PCDH10: variants seen among roughly 807,000 people sequenced by gnomAD.
The protein encoded by PCDH10 is protocadherin 10, also known as protocadherin-10.
In PCDH10, 15 loss-of-function variants were observed where a neutral mutation model predicts 74.4. The ratio of observed to expected loss-of-function variants is 0.20; its 90% CI spans 0.13 to 0.31. PCDH10 has a LOEUF of 0.31. Ranked by LOEUF, PCDH10 falls within the 10% of genes least tolerant of loss-of-function variation. The pLI, the probability that PCDH10 is intolerant of heterozygous loss-of-function variation, is 1.00. For missense variants in PCDH10, 1,260 were observed against 1,390.2 expected, an observed-to-expected ratio of 0.91 and a Z score of 1.49; for synonymous variants, 619 against 589.8, an observed-to-expected ratio of 1.05 and a Z score of -0.72.
At chr4:133,185,701 T>G (rs1727529575) in intron 4 of PCDH10, among the ~76,000 whole-genome samples, 1 of 152,052 alleles carries the variant, frequency 6.6e-6, no homozygotes, top group Admixed American at 6.6e-5. Context: ...CTCTGGAAAT[T>G]TTTCACTGTA....
intron 4 of PCDH10, among the ~76,000 whole-genome samples, chr4:133,164,884 T>G (rs1727045396): frequency 6.7e-6 from 1 of 150,190 alleles, no homozygotes; most frequent in African/African-American, 2.4e-5. Context: ...TTGCTAAAAA[T>G]CAAAAGAATG....
chr4:133,191,998 T>TACACACACACAC lies in PCDH10; in HGVS notation c.*1839_*1840insCACACACACACA, dbSNP rs1560716555. ...ACACACACACACACACACACACACT[T>TACACACACACAC]AGGTCCTGATATGTACATTTAGAGT... On this transcript the variant is annotated 3_prime_UTR_variant, in exon 5 of 5. Coordinates refer to ENST00000264360, the MANE Select transcript of PCDH10 (RefSeq NM_032961.3). 617 of 133,138 alleles carry TACACACACACAC rather than the reference T, an allele frequency of 4.6e-3. 6 individuals are homozygous for TACACACACACAC. Among genetic ancestry groups the TACACACACACAC allele is most frequent in the African/African-American group, 0.018 (594 of 33,906 alleles). 8.2% of individuals were successfully genotyped at this position (133,138 alleles called of 1,614,324 possible).
intron 4 of PCDH10, among the ~76,000 whole-genome samples, chr4:133,188,427 A>G (rs1337046064): frequency 6.6e-6 from 1 of 152,180 alleles, no homozygotes; most frequent in Non-Finnish European, 1.5e-5. Flanking sequence ...ACACAGAAAA[A>G]TAGGATTTCA....
At chr4:133,204,298 C>A (rs558232491) in intron 2 of PCDH10, among the ~76,000 whole-genome samples, 1 of 152,254 alleles carries the variant, frequency 6.6e-6, no homozygotes, top group South Asian at 2.1e-4. Flanking sequence ...TCCCATAGTC[C>A]TCCTGGGGGT....
chr4:133,200,902 A>C (rs899347808), intron 2 of PCDH10, among the ~76,000 whole-genome samples: 8 of 152,224 alleles, frequency 5.3e-5, no homozygotes, highest in Non-Finnish European at 8.8e-5. Flanking sequence ...TTTATATTTT[A>C]AAATTTCCAG....
chr4:133,205,224 A>G (rs1478445747), intron 2 of PCDH10, among the ~76,000 whole-genome samples: 9 of 152,192 alleles, frequency 5.9e-5, no homozygotes, highest in Non-Finnish European at 1.2e-4. Flanking sequence ...TTTAGGCCTC[A>G]GACACTAAGG....
At chr4:133,156,970 A>C (rs1348508876) in intron 3 of PCDH10, among the ~76,000 whole-genome samples, 2 of 152,244 alleles carry the variant, frequency 1.3e-5, no homozygotes, top group Non-Finnish European at 2.9e-5. Flanking sequence ...CAAAGCATTT[A>C]AAAGAATACT....
chr4:133,204,006 C>T (rs946364855), intron 2 of PCDH10, among the ~76,000 whole-genome samples: 1 of 152,170 alleles, frequency 6.6e-6, no homozygotes, highest in African/African-American at 2.4e-5. Context: ...AGTTGCATTA[C>T]CTCTCCACTG....
chr4:133,170,719 C>A (rs1389253079), intron 4 of PCDH10, among the ~76,000 whole-genome samples: 1 of 137,098 alleles, frequency 7.3e-6, no homozygotes, highest in Non-Finnish European at 1.5e-5. Context: ...GAGATGAAGT[C>A]TCTCTCTCTG....
downstream of PCDH10, among the ~76,000 whole-genome samples, chr4:133,195,013 G>C (rs1268935894): frequency 6.6e-6 from 1 of 151,832 alleles, no homozygotes; most frequent in Non-Finnish European, 1.5e-5. Flanking sequence ...ATAAAAGAAA[G>C]GGATTTTATC....
Position 133,191,836 on chromosome 4 carries a change from AC to A in PCDH10, c.*1677del, listed in dbSNP as rs1012358501. ...TTTTTAACTGATCTTATATTCAATG[AC>A]AGTTTGAGCTGCACTGTGTTATTAA... On this transcript the variant is annotated 3_prime_UTR_variant, in exon 5 of 5. Transcript: ENST00000264360. The A allele has an allele frequency of 1.3e-5, 2 of 151,654 alleles. No homozygotes were observed. Among genetic ancestry groups the A allele is most frequent in the African/African-American group, 4.8e-5 (2 of 41,374 alleles). 9.4% of individuals were successfully genotyped at this position (151,654 alleles called of 1,614,324 possible).
downstream of PCDH10, among the ~76,000 whole-genome samples, chr4:133,197,214 G>C (rs572541693): frequency 2.6e-5 from 4 of 152,220 alleles, no homozygotes; most frequent in Non-Finnish European, 4.4e-5. Flanking sequence ...ATATTTATCT[G>C]ACCCCAATGG....
rs746059172 is a variant in PCDH10 at position 133,192,171 on chromosome 4, A to G, written c.*2011A>G. On this transcript the variant is annotated 3_prime_UTR_variant, in exon 5 of 5. Coordinates refer to ENST00000264360, the MANE Select transcript of PCDH10 (RefSeq NM_032961.3). ...ATATGAAGCTAACAGATCATATGTA[A>G]TACAAAAAGCACATAAATTCACTAA... is the stretch of plus-strand genomic sequence containing the variant. 2.4e-4 allele frequency: 37 copies of G among 151,716 alleles called. No homozygotes were observed. Among genetic ancestry groups the G allele is most frequent in the Non-Finnish European group, 4.3e-4 (29 of 67,692 alleles). The allele number at this position is 151,716 out of a possible 1,614,324, so 9.4% of individuals were successfully genotyped here.
chr4:133,204,602 T>A (rs934751434), intron 2 of PCDH10, among the ~76,000 whole-genome samples: 3 of 152,192 alleles, frequency 2.0e-5, no homozygotes, highest in African/African-American at 4.8e-5. Flanking sequence ...AACAAAGTGG[T>A]GCTGGAACCA....
chr4:133,201,338 A>T (rs1019323114), intron 2 of PCDH10, among the ~76,000 whole-genome samples: 1 of 151,524 alleles, frequency 6.6e-6, no homozygotes, highest in African/African-American at 2.4e-5. Context: ...GATTATGGGG[A>T]TGGAGACACA....
chr4:133,154,307 A>G lies in PCDH10; in HGVS notation c.2632A>G (p.Thr878Ala), dbSNP rs758575058. Residue 878 changes from threonine (T) to alanine (A), a missense_variant and splice_region_variant, in exon 2 of 5, where the codon ACT (threonine) becomes GCT (alanine). Physicochemically the swap from Thr to Ala is moderately conservative, Grantham distance 58 (BLOSUM62 0). Transcript: ENST00000264360. ...CTTGATTTATTTATTTTTTTCCTAGACTAAACACCAGCGAGCAGAGCTCAG... is the reference window on the plus strand; with the variant it reads ...CTTGATTTATTTATTTTTTTCCTAGGCTAAACACCAGCGAGCAGAGCTCAG... Reference protein sequence around the residue: ...ISNGSILSNETKHQRAELSYL... With the variant: ...ISNGSILSNEAKHQRAELSYL... The G allele has an allele frequency of 1.2e-6, 2 of 1,604,912 alleles. No individual in the cohort carries two copies. The highest frequency in any genetic ancestry group is 1.7e-6 in the Non-Finnish European group (2 of 1,174,330).
rs1214674963 is a variant in PCDH10 at position 133,152,121 on chromosome 4, C to G, written c.1981C>G (p.Arg661Gly). The G allele has an allele frequency of 9.5e-6, 15 of 1,572,118 alleles. No homozygotes were observed. Among genetic ancestry groups the G allele is most frequent in the African/African-American group, 1.4e-5 (1 of 73,890 alleles). The change falls in exon 1 of 5, where the codon CGC becomes GGC. Residue 661 changes from arginine (R) to glycine (G), a missense_variant. Arg to Gly is a moderately radical substitution (Grantham distance 125). Around this residue, in one of 11 missense-constraint regions of PCDH10, gnomAD observed 587 missense variants for 616.9 expected, o/e 0.95. Transcript: ENST00000264360. ...QRPYELVIEV[R>G]DHGQPPLSST... is the part of the protein sequence containing the mutation. The stretch of plus-strand genomic sequence containing the variant: ...GCCTTATGAGCTGGTGATCGAGGTG[C>G]GCGACCATGGGCAGCCGCCCCTTTC...
At chr4:133,173,633 A>G (rs1280822615) in intron 4 of PCDH10, among the ~76,000 whole-genome samples, 1 of 151,844 alleles carries the variant, frequency 6.6e-6, no homozygotes, top group Non-Finnish European at 1.5e-5. Flanking sequence ...TTGAAAAAGC[A>G]TTGGTTTCAT....
chr4:133,154,949 C>T lies in PCDH10; in HGVS notation c.2723C>T (p.Ser908Phe). Reference sequence around the variant, plus strand: ...TTCCAGGAAGCCGACATAGTAAGCTCTAAGGACAGTGGTCATGGAGACAGT... The same window carrying T: ...TTCCAGGAAGCCGACATAGTAAGCTTTAAGGACAGTGGTCATGGAGACAGT... The part of the protein sequence containing the change: ...SAFQEADIVS[S>F]KDSGHGDSEQ... The change falls in exon 3 of 5, where the codon TCT (serine) becomes TTT (phenylalanine). Residue 908 changes from serine to phenylalanine, a missense_variant. By Grantham distance (155) the Ser-to-Phe change is radical. Around this residue, in one of 11 missense-constraint regions of PCDH10, gnomAD observed 587 missense variants for 616.9 expected, o/e 0.95. Coordinates refer to ENST00000264360, the MANE Select transcript of PCDH10 (RefSeq NM_032961.3). 2 of 1,613,596 alleles carry T rather than the reference C, an allele frequency of 1.2e-6. No individual in the cohort carries two copies. The highest frequency in any genetic ancestry group is 1.7e-6 in the Non-Finnish European group (2 of 1,179,564).
Sources: allele counts gnomAD v4.1 joint callset (sites outside exome capture counted in the v4.1 genomes callset), GRCh38; gene constraint gnomAD v4.1.1; regional missense constraint gnomAD v4.1.1; transcripts MANE v1.5; gene names NCBI Gene and HGNC (gene_info 2026-07-23, HGNC 2026-07-21).